Variants in C16orf86 observed in about 807,000 individuals in gnomAD.
C16orf86 encodes the protein uncharacterized protein C16orf86.
C16orf86 carries 19 observed loss-of-function variants against 21.5 expected under a neutral mutation model. The ratio of observed to expected loss-of-function variants is 0.88; its 90% CI spans 0.62 to 1.30. C16orf86 has a LOEUF of 1.30. Among genes scored for constraint, C16orf86 ranks in the 50% most tolerant of loss-of-function variants. The pLI, the probability that C16orf86 is intolerant of heterozygous loss-of-function variation, is 0.00. For synonymous variants in C16orf86, 188 were observed against 183.5 expected (o/e 1.02, Z -0.20); for missense variants, 391 against 415.8 (o/e 0.94, Z 0.52).
Position 67,667,977 on chromosome 16 carries a change from TGA to T in C16orf86, c.434_435del (p.Glu145AlafsTer58). 6.2e-7 allele frequency: 1 copy of T among 1,613,408 alleles called. No homozygotes were observed. The highest frequency in any genetic ancestry group is 8.5e-7 in the Non-Finnish European group (1 of 1,179,836). The part of the protein sequence containing the change: ...QEEEPEDSQS[E>X]PSPSAKQHKK... Reference sequence around the variant, plus strand: ...AGGAGGAGCCAGAGGACAGCCAGAGTGAGCCCTCACCATCTGCCAAACAGCAC... The same window carrying T: ...AGGAGGAGCCAGAGGACAGCCAGAGTGCCCTCACCATCTGCCAAACAGCAC... On this transcript the variant is annotated frameshift_variant, in exon 3 of 4. Coordinates refer to ENST00000403458, the MANE Select transcript of C16orf86 (RefSeq NM_001012984.3). LOFTEE classifies it high-confidence loss of function.
intron 2 of C16orf86, 162 bp downstream of exon 2, chr16:67,667,687 G>A (rs2142989999): frequency 6.5e-7 from 1 of 1,534,552 alleles, no homozygotes. Context: ...GGAGCAGCAG[G>A]AGAGTGGGAG....
At position 67,667,987 on chromosome 16, in the gene C16orf86, C is replaced by A; in HGVS notation, c.442C>A (p.Pro148Thr). 1 of 1,613,576 alleles carries A rather than the reference C, an allele frequency of 6.2e-7. No homozygotes were observed. Among genetic ancestry groups the A allele is most frequent in the Non-Finnish European group, 8.5e-7 (1 of 1,179,876 alleles). ...EPEDSQSEPS[P>T]SAKQHKKAKK... ...AGAGGACAGCCAGAGTGAGCCCTCA[C>A]CATCTGCCAAACAGCACAAAAAAGC... The change falls in exon 3 of 4, where the codon CCA becomes ACA. Residue 148 changes from proline to threonine, a missense_variant. By Grantham distance (38) the Pro-to-Thr change is conservative. Transcript: ENST00000403458.
intron 2 of C16orf86, 164 bp downstream of exon 2, chr16:67,667,689 G>C (rs764487462): frequency 2.6e-6 from 4 of 1,534,166 alleles, no homozygotes; most frequent in East Asian, 4.9e-5. Context: ...AGCAGCAGGA[G>C]AGTGGGAGCT....
In C16orf86 at chr16:67,667,976, G is replaced by A. The variant is rs2053127346; in HGVS notation, c.431G>A (p.Ser144Asn). 1.2e-6 allele frequency: 2 copies of A among 1,613,410 alleles called. No individual in the cohort carries two copies. Among genetic ancestry groups the A allele is most frequent in the East Asian group, 2.2e-5 (1 of 44,902 alleles). ...GAGGAGGAGCCAGAGGACAGCCAGA[G>A]TGAGCCCTCACCATCTGCCAAACAG... ...LQEEEPEDSQSEPSPSAKQHK... is the reference protein window; with the variant it reads ...LQEEEPEDSQNEPSPSAKQHK... Residue 144 changes from serine to asparagine, a missense_variant, in exon 3 of 4, where the codon AGT becomes AAT. By Grantham distance (46) the Ser-to-Asn change is conservative. Transcript: ENST00000403458.
In C16orf86 at chr16:67,668,414, A is replaced by G. The variant is rs1434191557; in HGVS notation, c.768A>G (p.Leu256=). ...TCGCTTTGCCCTGTCCCAGTCCACT[A>G]GTGACCCCCACCCATGCCCTGGCTC... ...PGLALPCPSP[L]VTPTHALAPL... The change falls in exon 4 of 4, where the codon CTA becomes CTG. Residue 256 remains leucine (L), a synonymous_variant. Transcript: ENST00000403458. 1 of 1,612,446 alleles carries G rather than the reference A, an allele frequency of 6.2e-7. No individual in the cohort carries two copies.
Position 67,668,280 on chromosome 16 carries a change from G to A in C16orf86, c.634G>A (p.Gly212Arg), listed in dbSNP as rs373016602. ...GCTGAACCAGGCAGGGAAGGGGGAC[G>A]GGGAGGCTGAGGTGGAGGCAGAGGC... The part of the protein sequence containing the change: ...PELNQAGKGD[G>R]EAEVEAEAEL... The change falls in exon 4 of 4, where the codon GGG (glycine) becomes AGG (arginine). Residue 212 changes from glycine (G) to arginine (R), a missense_variant. Transcript: ENST00000403458. 5.7e-5 allele frequency: 92 copies of A among 1,610,608 alleles called. 1 individual carries two copies. In the African/African-American group the frequency reaches 6.0e-4, roughly 10 times the overall value.
chr16:67,668,178 G>T (rs780051961), intron 3 of C16orf86, 22 bp from the exon 4 acceptor site: 17 of 1,578,132 alleles, frequency 1.1e-5, no homozygotes, highest in Admixed American at 7.2e-5. Context: ...TCTAGCCTCT[G>T]CCCTGCCCTG....
Position 67,666,902 on chromosome 16 carries a change from G to C in C16orf86, c.-69G>C. 1.8e-6 allele frequency: 2 copies of C among 1,101,554 alleles called. No individual in the cohort carries two copies. Among genetic ancestry groups the C allele is most frequent in the Non-Finnish European group, 2.4e-6 (2 of 819,624 alleles). 68.2% of individuals were successfully genotyped at this position (1,101,554 alleles called of 1,614,324 possible). Reference sequence around the variant, plus strand: ...GCTGGCCGGTCTCCGGGGTCAGCGCGGGGCCACCATCCAGCCCCTTGGGGC... The same window carrying C: ...GCTGGCCGGTCTCCGGGGTCAGCGCCGGGCCACCATCCAGCCCCTTGGGGC... On this transcript the variant is annotated 5_prime_UTR_variant, in exon 1 of 4. Transcript: ENST00000403458.
Position 67,668,277 on chromosome 16 carries a change from G to A in C16orf86, c.631G>A (p.Asp211Asn). 2 of 1,610,494 alleles carry A rather than the reference G, an allele frequency of 1.2e-6. No individual in the cohort carries two copies. The highest frequency in any genetic ancestry group is 1.7e-6 in the Non-Finnish European group (2 of 1,178,684). The change falls in exon 4 of 4, where the codon GAC (aspartate) becomes AAC (asparagine). Residue 211 changes from aspartate (D) to asparagine (N), a missense_variant. Physicochemically the swap from Asp to Asn is conservative, Grantham distance 23 (BLOSUM62 1). Transcript: ENST00000403458. The part of the protein sequence containing the change: ...NPELNQAGKG[D>N]GEAEVEAEAE... ...TGAGCTGAACCAGGCAGGGAAGGGG[G>A]ACGGGGAGGCTGAGGTGGAGGCAGA... is the stretch of plus-strand genomic sequence containing the variant.
Position 67,667,412 on chromosome 16 carries a change from C to G in C16orf86, c.219C>G (p.Pro73=). 1 of 1,612,448 alleles carries G rather than the reference C, an allele frequency of 6.2e-7. No individual in the cohort carries two copies. The highest frequency in any genetic ancestry group is 8.5e-7 in the Non-Finnish European group (1 of 1,179,822). The part of the protein sequence containing the change: ...ASESELQEEG[P]KLGEERPKPH... Reference sequence around the variant, plus strand: ...AGTCGGAGCTCCAGGAGGAAGGACCCAAGCTGGGGGAGGAGCGGCCCAAGC... The same window carrying G: ...AGTCGGAGCTCCAGGAGGAAGGACCGAAGCTGGGGGAGGAGCGGCCCAAGC... Residue 73 remains proline (P), a synonymous_variant, in exon 2 of 4, where the codon CCC becomes CCG. Transcript: ENST00000403458.
rs28700163 is a variant in C16orf86 at position 67,666,952 on chromosome 16, G to T, written c.-19G>T. 2.8e-6 allele frequency: 4 copies of T among 1,420,754 alleles called. No individual in the cohort carries two copies. The highest frequency in any genetic ancestry group is 5.2e-5 in the East Asian group (2 of 38,202). 88.0% of individuals were successfully genotyped at this position (1,420,754 alleles called of 1,614,324 possible). Reference sequence around the variant, plus strand: ...CCCGCCCCAAGCAGCTGTCGAGGACGCACTCAGCCTGCGCAGCCATGGCCT... The same window carrying T: ...CCCGCCCCAAGCAGCTGTCGAGGACTCACTCAGCCTGCGCAGCCATGGCCT... On this transcript the variant is annotated 5_prime_UTR_variant, in exon 1 of 4. Coordinates refer to ENST00000403458, the MANE Select transcript of C16orf86 (RefSeq NM_001012984.3).
At position 67,668,049 on chromosome 16, in the gene C16orf86, C is replaced by CGCTGTGG. The variant is rs751904839; in HGVS notation, c.505_511dup (p.Ala171GlyfsTer35). ...AGAGCCTGGGGGCTCCCGTGCTCCA[C>CGCTGTGG]GCTGTGGCCAGCATGGTGTCTGCAC... On this transcript the variant is annotated frameshift_variant, in exon 3 of 4. Coordinates refer to ENST00000403458, the MANE Select transcript of C16orf86 (RefSeq NM_001012984.3). LOFTEE classifies it low-confidence loss of function (END_TRUNC). 83 of 1,612,776 alleles carry CGCTGTGG rather than the reference C, an allele frequency of 5.1e-5. 3 individuals are homozygous for CGCTGTGG. The South Asian group carries it at 8.6e-4, about 17-fold the overall frequency.
Position 67,668,235 on chromosome 16 carries a change from G to A in C16orf86, c.589G>A (p.Val197Ile), listed in dbSNP as rs369814761. The A allele has an allele frequency of 2.5e-4, 403 of 1,593,584 alleles. 3 individuals carry two copies. Among genetic ancestry groups the A allele is most frequent in the South Asian group, 2.5e-3 (221 of 88,152 alleles). ...AQRLRPLYQY[V>I]NYCNPELNQA... is the part of the protein sequence containing the mutation. ...GCGCCTGCGGCCGCTGTACCAGTACGTCAACTATTGCAACCCTGAGCTGAA... is the reference window on the plus strand; with the variant it reads ...GCGCCTGCGGCCGCTGTACCAGTACATCAACTATTGCAACCCTGAGCTGAA... Residue 197 changes from valine (V) to isoleucine (I), a missense_variant, in exon 4 of 4, where the codon GTC (valine) becomes ATC (isoleucine). Coordinates refer to ENST00000403458, the MANE Select transcript of C16orf86 (RefSeq NM_001012984.3).
rs560018865 is a variant in C16orf86 at position 67,668,563 on chromosome 16, C to G, written c.917C>G (p.Ala306Gly). 6.2e-7 allele frequency: 1 copy of G among 1,613,512 alleles called. No individual in the cohort carries two copies. Among genetic ancestry groups the G allele is most frequent in the African/African-American group, 1.3e-5 (1 of 75,058 alleles). ...DIDKMLSVCT[A>G]PLVPPLSPQY... ...GACAAGATGCTGAGTGTCTGCACTG[C>G]TCCACTTGTCCCCCCGCTCTCTCCT... The change falls in exon 4 of 4, where the codon GCT (alanine) becomes GGT (glycine). Residue 306 changes from alanine to glycine, a missense_variant. Coordinates refer to ENST00000403458, the MANE Select transcript of C16orf86 (RefSeq NM_001012984.3).
rs1208234871 is a variant in C16orf86, at chr16:67,666,876, T to C, written c.-95T>C. On this transcript the variant is annotated 5_prime_UTR_variant, in exon 1 of 4. Transcript: ENST00000403458. The stretch of plus-strand genomic sequence containing the variant: ...TTCTCTTCCCAGCTCTGCCCTCGCT[T>C]GCTGGCCGGTCTCCGGGGTCAGCGC... 5 of 841,354 alleles carry C rather than the reference T, an allele frequency of 5.9e-6. No individual in the cohort carries two copies. Among genetic ancestry groups the C allele is most frequent in the Admixed American group, 3.7e-5 (1 of 27,210 alleles). The allele number at this position is 841,354 out of a possible 1,614,324, so 52.1% of individuals were successfully genotyped here.
rs752807124 is a variant in C16orf86, at chr16:67,668,151, A to G, written c.554-49A>G. On this transcript the variant is annotated intron_variant, in intron 3 of 3. Transcript: ENST00000403458. Reference sequence around the variant, plus strand: ...TCTCCCCCTGCCTGTGGGGCCCGACATGGCACAACCTGGCGCTCTAGCCTC... The same window carrying G: ...TCTCCCCCTGCCTGTGGGGCCCGACGTGGCACAACCTGGCGCTCTAGCCTC... 3 of 1,593,304 alleles carry G rather than the reference A, an allele frequency of 1.9e-6. No homozygotes were observed. In the South Asian group the frequency reaches 3.4e-5, roughly 18 times the overall value.
At chr16:67,667,582 A>G in intron 2 of C16orf86, 57 bp downstream of exon 2, 1 of 1,555,640 alleles carries the variant, frequency 6.4e-7, no homozygotes, top group Non-Finnish European at 8.7e-7. Context: ...CACACACCAC[A>G]GTAGGATTCC....
At position 67,667,569 on chromosome 16, in the gene C16orf86, G is replaced by C. The variant is rs773002355; in HGVS notation, c.332+44G>C. ...GGAAGGAGCTGCAGCCCCGGGGTTGGGGCACACACCACAGTAGGATTCCTA... is the reference window on the plus strand; with the variant it reads ...GGAAGGAGCTGCAGCCCCGGGGTTGCGGCACACACCACAGTAGGATTCCTA... On this transcript the variant is annotated intron_variant, in intron 2 of 3. Coordinates refer to ENST00000403458, the MANE Select transcript of C16orf86 (RefSeq NM_001012984.3). 6.5e-5 allele frequency: 101 copies of C among 1,562,684 alleles called. No individual in the cohort carries two copies. The East Asian group carries it at 2.3e-3, about 36-fold the overall frequency.
chr16:67,667,111 C>A (rs1489706234), intron 1 of C16orf86, 39 bp downstream of exon 1: 1 of 1,454,150 alleles, frequency 6.9e-7, no homozygotes, highest in East Asian at 2.5e-5. Context: ...CACAGGGCCG[C>A]AGCGCTCTGA....
Sources: allele counts gnomAD v4.1 joint callset, GRCh38; gene constraint gnomAD v4.1.1; transcripts MANE v1.5; gene names NCBI Gene and HGNC (gene_info 2026-07-23, HGNC 2026-07-21).